The following C2orf78 variants were observed in gnomAD, a reference collection of about 807,000 sequenced individuals.
The protein encoded by C2orf78 is uncharacterized protein C2orf78.
A neutral mutation model predicts 21.4 loss-of-function variants in C2orf78; 12 were observed. That is an observed-to-expected ratio of 0.56 (90% confidence interval 0.36 to 0.91). The LOEUF (loss-of-function observed/expected upper bound fraction) is 0.91, where lower values mean the gene tolerates loss of function less well. Ranked by LOEUF, C2orf78 falls within the 40% of genes least tolerant of loss-of-function variation. The pLI, the probability that C2orf78 is intolerant of heterozygous loss-of-function variation, is 0.01. For missense variants in C2orf78, 1,042 were observed against 1,092.4 expected, an observed-to-expected ratio of 0.95 and a Z score of 0.65; for synonymous variants, 396 against 413.9, an observed-to-expected ratio of 0.96 and a Z score of 0.52.
At chr2:73,813,238 C>A (rs1342692652) in intron 1 of C2orf78, among the ~76,000 whole-genome samples, 1 of 152,178 alleles carries the variant, frequency 6.6e-6, no homozygotes, top group Admixed American at 6.5e-5. Context: ...ATGTACGAAA[C>A]CAGACCATTT....
exon 3 of C2orf78, chr2:73,816,508 C>T (rs774020082): frequency 9.9e-6 from 16 of 1,613,852 alleles, no homozygotes; most frequent in South Asian, 8.8e-5. Flanking sequence ...TCAGCTCAAT[C>T]GAATGCAGTC....
intron 1 of C2orf78, among the ~76,000 whole-genome samples, chr2:73,811,571 G>A (rs891824527): frequency 1.3e-5 from 2 of 152,058 alleles, no homozygotes; most frequent in Admixed American, 6.6e-5. Context: ...ATTCATAATG[G>A]ACTGCTTTTA....
In C2orf78 at chr2:73,813,712, T is replaced by C. The variant is rs193035596; in HGVS notation, c.333T>C (p.Thr111=). Reference sequence around the variant, plus strand: ...GCACAACTATGTTGTCTGGGGTTACTGGCCAGAGCCATATCTGTACTTCAG... The same window carrying C: ...GCACAACTATGTTGTCTGGGGTTACCGGCCAGAGCCATATCTGTACTTCAG... The change falls in exon 2 of 3, where the codon ACT becomes ACC. Residue 111 remains threonine (T), a synonymous_variant. Transcript: ENST00000409561. The C allele has an allele frequency of 2.4e-5, 38 of 1,614,044 alleles. No homozygotes were observed. The African/African-American group carries it at 4.1e-4, about 18-fold the overall frequency.
At chr2:73,786,107 C>T (rs1344803526) in intron 1 of C2orf78, among the ~76,000 whole-genome samples, 3 of 151,876 alleles carry the variant, frequency 2.0e-5, no homozygotes, top group Admixed American at 6.6e-5. Flanking sequence ...AGGCAGGGTG[C>T]GGTGGCTCAC....
chr2:73,814,226 G>A (rs1673148630), exon 2 of C2orf78: 1 of 1,565,920 alleles, frequency 6.4e-7, no homozygotes, highest in East Asian at 2.3e-5. Context: ...CAGTGTTCAA[G>A]GTGAGTACAA....
At chr2:73,807,162 A>C (rs1672974818) in intron 1 of C2orf78, among the ~76,000 whole-genome samples, 1 of 129,152 alleles carries the variant, frequency 7.7e-6, no homozygotes, top group Non-Finnish European at 1.6e-5. Context: ...CCTGGGTGAC[A>C]GAGAGAGACT....
chr2:73,816,156 G>A (rs777357323), exon 3 of C2orf78: 9 of 1,613,822 alleles, frequency 5.6e-6, no homozygotes, highest in African/African-American at 1.3e-5. Flanking sequence ...GAAAAAGATC[G>A]ATATGAAAAC....
exon 3 of C2orf78, chr2:73,816,228 C>T (rs921189680): frequency 1.9e-6 from 3 of 1,613,792 alleles, no homozygotes; most frequent in Non-Finnish European, 2.5e-6. Context: ...CCAGCCATTC[C>T]CAGCTCTCAA....
rs1310343984 is a variant in C2orf78 at position 73,810,802 on chromosome 2, A to AT, written c.98-2675_98-2674insT. Among the ~76,000 whole-genome samples the AT allele has an allele frequency of 3.8e-5, 3 of 78,122 alleles. No individual in the cohort carries two copies. The East Asian group carries it at 1.2e-3, about 32-fold the overall frequency. 51.3% of individuals were successfully genotyped at this position (78,122 alleles called of 152,430 possible). A position where few individuals can be genotyped will look rare whatever the true frequency, so the allele number is the denominator to read the frequency against. ...ATATACATGTATATTTTATATATAT[A>AT]ATATACATGTATAATTAATATACAT... On this transcript the variant is annotated intron_variant, in intron 1 of 2. Transcript: ENST00000409561.
exon 2 of C2orf78, chr2:73,813,593 G>T (rs781610114): frequency 1.9e-6 from 3 of 1,613,918 alleles, no homozygotes; most frequent in African/African-American, 2.7e-5. Flanking sequence ...CAGAGCCTCT[G>T]CTCCAGCCAT....
At chr2:73,807,809 C>T (rs1672985690) in intron 1 of C2orf78, among the ~76,000 whole-genome samples, 7 of 145,478 alleles carry the variant, frequency 4.8e-5, no homozygotes. Context: ...GATCCAAGTC[C>T]AACCTGGCCC....
At chr2:73,817,023 C>T in exon 3 of C2orf78, 1 of 1,572,934 alleles carries the variant, frequency 6.4e-7, no homozygotes, top group South Asian at 1.2e-5. Context: ...ACTTTGGATA[C>T]CGCTGGTTTT....
Position 73,816,915 on chromosome 2 carries a change from TC to T in C2orf78, c.2693del (p.Ser898PhefsTer28). The T allele has an allele frequency of 6.2e-7, 1 of 1,613,238 alleles. No individual in the cohort carries two copies. The highest frequency in any genetic ancestry group is 8.5e-7 in the Non-Finnish European group (1 of 1,179,554). On this transcript the variant is annotated frameshift_variant, in exon 3 of 3. Coordinates refer to ENST00000409561, the Ensembl canonical transcript of C2orf78. LOFTEE classifies it low-confidence loss of function (END_TRUNC). ...GCGTGAGAATGCTGCCAAATACACC[TC>T]TTTGGGGAAAGTGCAGTTTTTCATT...
intron 1 of C2orf78, among the ~76,000 whole-genome samples, chr2:73,810,908 A>T (rs1464182266): frequency 7.3e-6 from 1 of 136,812 alleles, no homozygotes; most frequent in African/African-American, 3.0e-5. Context: ...TGTATATTAT[A>T]TATAATATAT....
At chr2:73,785,956 C>G (rs373508471) in intron 1 of C2orf78, among the ~76,000 whole-genome samples, 87 of 151,408 alleles carry the variant, frequency 5.7e-4, no homozygotes, top group South Asian at 2.3e-3. Flanking sequence ...TGAGGCAGGA[C>G]AATCACTTGA....
chr2:73,808,017 A>T (rs1672992640), intron 1 of C2orf78, among the ~76,000 whole-genome samples: 1 of 151,066 alleles, frequency 6.6e-6, no homozygotes, highest in Admixed American at 6.6e-5. Context: ...GCACTTTGGG[A>T]GGCTGAGGCG....
chr2:73,808,863 T>G, intron 1 of C2orf78: 2 of 1,316,450 alleles, frequency 1.5e-6, no homozygotes, highest in Admixed American at 2.0e-5. Flanking sequence ...TCTTCCCTTC[T>G]ATCTGCAGTT....
rs77531411 is a variant in C2orf78, at chr2:73,808,697, T to C, written c.98-4780T>C. The C allele has an allele frequency of 1.7e-4, 250 of 1,505,690 alleles. 1 individual carries two copies. The highest frequency in any genetic ancestry group is 7.2e-4 in the Middle Eastern group (3 of 4,190). 93.3% of individuals were successfully genotyped at this position (1,505,690 alleles called of 1,614,324 possible). ...GACATCATTCTCCCACCAAACCAAC[T>C]GCCACCTGGTAGAATCTTGGGGTTT... On this transcript the variant is annotated intron_variant, in intron 1 of 2. Coordinates refer to ENST00000409561, the Ensembl canonical transcript of C2orf78.
rs556191293 is a variant in C2orf78 at position 73,810,755 on chromosome 2, G to A, written c.98-2722G>A. On this transcript the variant is annotated intron_variant, in intron 1 of 2. Coordinates refer to ENST00000409561, the Ensembl canonical transcript of C2orf78. ...CATAAAATATACATGTATATTTTAT[G>A]TATATATAATATATATATAAAATAT... is the stretch of plus-strand genomic sequence containing the variant. Among the ~76,000 whole-genome samples the A allele has an allele frequency of 2.0e-4, 25 of 122,314 alleles. No homozygotes were observed. In the East Asian group the frequency reaches 4.4e-3, roughly 21 times the overall value. The allele number at this position is 122,314 out of a possible 152,430, so 80.2% of individuals were successfully genotyped here.
Sources: allele counts gnomAD v4.1 joint callset (sites outside exome capture counted in the v4.1 genomes callset), GRCh38; gene constraint gnomAD v4.1.1; transcripts MANE v1.5; gene names NCBI Gene and HGNC (gene_info 2026-07-23, HGNC 2026-07-21).